NBEA: variants seen among roughly 807,000 people sequenced by gnomAD.
NBEA encodes neurobeachin.
Under a neutral mutation model 343.4 loss-of-function variants are expected in NBEA, and 44 were observed. The ratio of observed to expected loss-of-function variants is 0.13; its 90% CI spans 0.10 to 0.16. The LOEUF is 0.16. Ranked by LOEUF, NBEA falls within the 10% of genes least tolerant of loss-of-function variation. NBEA has a pLI of 1.00. For synonymous variants in NBEA, 1,175 were observed against 1,238.7 expected (o/e 0.95, Z 1.08); for missense variants, 2,555 against 3,631.3 (o/e 0.70, Z 7.62).
In NBEA at chr13:35,500,684, TCTCA is replaced by T. The variant is rs1450914296; in HGVS notation, c.6585+28152_6585+28155del. ...AGATGACAACTATCTAGGTTCATGTTCTCACTCCTCGTGCTCTTTCCTGGCTCTT... is the reference window on the plus strand; with the variant it reads ...AGATGACAACTATCTAGGTTCATGTTCTCCTCGTGCTCTTTCCTGGCTCTT... On this transcript the variant is annotated intron_variant, in intron 41 of 58. Coordinates refer to ENST00000379939, the MANE Select transcript of NBEA (RefSeq NM_001385012.1). 4.6e-5 allele frequency among the ~76,000 whole-genome samples: 7 copies of T among 151,052 alleles called. No homozygotes were observed. The East Asian group carries it at 7.8e-4, about 17-fold the overall frequency.
intron 48 of NBEA, among the ~76,000 whole-genome samples, chr13:35,619,094 G>T (rs1259937243): frequency 6.7e-6 from 1 of 149,936 alleles, no homozygotes; most frequent in African/African-American, 2.5e-5. Context: ...AAATGCAAAT[G>T]TAAAAATTTG....
chr13:35,502,228 C>T (rs1163949685), intron 41 of NBEA, among the ~76,000 whole-genome samples: 2 of 152,056 alleles, frequency 1.3e-5, no homozygotes, highest in African/African-American at 2.4e-5. Context: ...TTGAAAACAT[C>T]ATGCTATAAA....
At chr13:35,560,645 A>G (rs1318566458) in intron 44 of NBEA, among the ~76,000 whole-genome samples, 1 of 152,206 alleles carries the variant, frequency 6.6e-6, no homozygotes, top group Non-Finnish European at 1.5e-5. Flanking sequence ...AGGCTTCAGT[A>G]GATCCCACAG....
intron 23 of NBEA, 145 bp from the exon 24 acceptor site, chr13:35,164,211 C>G: frequency 4.4e-6 from 3 of 682,082 alleles, no homozygotes; most frequent in Non-Finnish European, 4.5e-6. Flanking sequence ...TATGATATCT[C>G]AATTATAAAT....
intron 38 of NBEA, among the ~76,000 whole-genome samples, chr13:35,408,678 T>A (rs199769249): frequency 2.0e-5 from 3 of 152,144 alleles, no homozygotes; most frequent in Admixed American, 1.3e-4. Flanking sequence ...ACAACCCAAT[T>A]AAAAATGGGA....
chr13:35,538,764 A>C (rs1264736763), intron 41 of NBEA, among the ~76,000 whole-genome samples: 1 of 152,214 alleles, frequency 6.6e-6, no homozygotes, highest in Non-Finnish European at 1.5e-5. Flanking sequence ...CTGTGGCCTC[A>C]TGTTAGCACT....
intron 34 of NBEA, among the ~76,000 whole-genome samples, chr13:35,233,622 A>G (rs1453620218): frequency 6.6e-6 from 1 of 152,182 alleles, no homozygotes; most frequent in African/African-American, 2.4e-5. Flanking sequence ...ATATTGTCAC[A>G]TAATGAGCTT....
chr13:35,486,198 A>T (rs2076297388), intron 41 of NBEA, among the ~76,000 whole-genome samples: 1 of 152,038 alleles, frequency 6.6e-6, no homozygotes, highest in South Asian at 2.1e-4. Context: ...AATTGTTGCT[A>T]ATGATTGTTT....
chr13:35,285,830 C>T (rs890721576), intron 34 of NBEA, among the ~76,000 whole-genome samples: 1 of 152,138 alleles, frequency 6.6e-6, no homozygotes, highest in Non-Finnish European at 1.5e-5. Context: ...GGATAGTGTG[C>T]CATGTATGGC....
intron 41 of NBEA, among the ~76,000 whole-genome samples, chr13:35,478,341 C>A (rs975425676): frequency 4.6e-5 from 7 of 152,234 alleles, no homozygotes; most frequent in African/African-American, 1.2e-4. Context: ...ACCCAAAAAA[C>A]CCCTCCCCAC....
intron 38 of NBEA, among the ~76,000 whole-genome samples, chr13:35,399,933 C>G (rs887451848): frequency 6.6e-6 from 1 of 151,946 alleles, no homozygotes; most frequent in African/African-American, 2.4e-5. Context: ...GGGGAACAAC[C>G]AGTTGGTGTA....
intron 51 of NBEA, among the ~76,000 whole-genome samples, chr13:35,649,110 C>T (rs2084388705): frequency 6.6e-6 from 1 of 152,204 alleles, no homozygotes; most frequent in Non-Finnish European, 1.5e-5. Context: ...CAACCATAAA[C>T]AGTCAGTGCC....
At chr13:35,003,963 G>C (rs1457181128) in intron 1 of NBEA, among the ~76,000 whole-genome samples, 1 of 152,000 alleles carries the variant, frequency 6.6e-6, no homozygotes. Flanking sequence ...AGGGTGTGTT[G>C]TTCCCCTCCC....
intron 6 of NBEA, among the ~76,000 whole-genome samples, chr13:35,051,423 A>T (rs1593591097): frequency 6.6e-6 from 1 of 151,886 alleles, no homozygotes; most frequent in Non-Finnish European, 1.5e-5. Context: ...CTTCCCATAT[A>T]CGGAAAAATA....
At chr13:35,397,689 A>T (rs762144523) in intron 38 of NBEA, among the ~76,000 whole-genome samples, 1 of 152,174 alleles carries the variant, frequency 6.6e-6, no homozygotes, top group Non-Finnish European at 1.5e-5. Context: ...AGCAAGTCAC[A>T]TGAATTTTTT....
intron 11 of NBEA, among the ~76,000 whole-genome samples, chr13:35,103,924 G>A (rs1055700041): frequency 6.6e-6 from 1 of 151,684 alleles, no homozygotes; most frequent in African/African-American, 2.4e-5. Flanking sequence ...CTTCACCATT[G>A]GTTACCTACA....
chr13:35,486,319 C>T (rs542207600), intron 41 of NBEA, among the ~76,000 whole-genome samples: 1 of 151,998 alleles, frequency 6.6e-6, no homozygotes, highest in East Asian at 1.9e-4. Flanking sequence ...TAATGAACAC[C>T]ATTAACCATA....
At chr13:35,585,731 A>G (rs2081264108) in intron 46 of NBEA, among the ~76,000 whole-genome samples, 1 of 151,750 alleles carries the variant, frequency 6.6e-6, no homozygotes, top group East Asian at 1.9e-4. Context: ...CATCTCCCTC[A>G]TGTACCTGCT....
chr13:34,994,415 A>G (rs1408288087), intron 1 of NBEA, among the ~76,000 whole-genome samples: 1 of 152,110 alleles, frequency 6.6e-6, no homozygotes. Flanking sequence ...GGAAAAACAT[A>G]TTGACAGTTA....
Sources: gnomAD v4.1 joint callset for allele counts (sites outside exome capture counted in the v4.1 genomes callset) on GRCh38, gnomAD v4.1.1 for gene constraint, MANE v1.5 for transcripts, NCBI Gene and HGNC (gene_info 2026-07-23, HGNC 2026-07-21) for gene names.